The following NAALADL2 variants were observed in gnomAD, a reference collection of about 807,000 sequenced individuals.
The protein encoded by NAALADL2 is N-acetylated alpha-linked acidic dipeptidase like 2, also known as inactive N-acetylated-alpha-linked acidic dipeptidase-like protein 2.
NAALADL2 carries 76 observed loss-of-function variants against 87.2 expected under a neutral mutation model. The observed-to-expected ratio is 0.87, with a 90% CI of 0.72 to 1.05. NAALADL2 has a LOEUF of 1.05. NAALADL2 is among the 50% of genes least tolerant of loss of function. NAALADL2 has a pLI of 0.00. For missense variants in NAALADL2, 1,089 were observed against 945.8 expected, an observed-to-expected ratio of 1.15 and a Z score of -1.99; for synonymous variants, 354 against 331.0, an observed-to-expected ratio of 1.07 and a Z score of -0.75.
intron 2 of NAALADL2, among the ~76,000 whole-genome samples, chr3:175,162,084 G>A (rs914892114): frequency 2.0e-5 from 3 of 152,084 alleles, no homozygotes; most frequent in Admixed American, 2.0e-4. Context: ...TGCTGCTGTT[G>A]AAGGCCTTAT....
intron 1 of NAALADL2, among the ~76,000 whole-genome samples, chr3:174,938,125 T>C (rs1025402048): frequency 3.3e-5 from 5 of 151,960 alleles, no homozygotes; most frequent in Non-Finnish European, 7.4e-5. Context: ...CATCACCCAG[T>C]TTTTAAACTC....
intron 3 of NAALADL2, among the ~76,000 whole-genome samples, chr3:175,252,141 T>C (rs1357169711): frequency 1.3e-5 from 2 of 152,220 alleles, no homozygotes; most frequent in Admixed American, 6.5e-5. Context: ...CATATCTGGA[T>C]TTATTGTGTT....
intron 2 of NAALADL2, among the ~76,000 whole-genome samples, chr3:175,192,348 A>T (rs1738334772): frequency 6.6e-6 from 1 of 152,146 alleles, no homozygotes; most frequent in African/African-American, 2.4e-5. Flanking sequence ...GATTCAGTGC[A>T]GTGATTTTTA....
At chr3:174,663,307 C>A (rs1442587654) in intron 2 of NAALADL2, among the ~76,000 whole-genome samples, 1 of 151,792 alleles carries the variant, frequency 6.6e-6, no homozygotes. Flanking sequence ...AATATGTACC[C>A]AGCTATGAAA....
chr3:175,095,037 G>A (rs1480615169), intron 1 of NAALADL2, among the ~76,000 whole-genome samples: 1 of 151,982 alleles, frequency 6.6e-6, no homozygotes, highest in Admixed American at 6.6e-5. Context: ...TCGTAGGGAA[G>A]TTAAGTTTTT....
chr3:174,724,842 A>G (rs1344332620), intron 2 of NAALADL2, among the ~76,000 whole-genome samples: 2 of 152,124 alleles, frequency 1.3e-5, no homozygotes, highest in Non-Finnish European at 2.9e-5. Context: ...CTATAAATGG[A>G]TTATGTATTA....
chr3:174,807,884 T>A (rs1415256291), intron 3 of NAALADL2, among the ~76,000 whole-genome samples: 1 of 144,222 alleles, frequency 6.9e-6, no homozygotes, highest in East Asian at 2.2e-4. Context: ...TGTGTGTGTG[T>A]GTGTGAGAGA....
At chr3:175,626,436 A>G (rs1211056360) in intron 10 of NAALADL2, among the ~76,000 whole-genome samples, 1 of 151,830 alleles carries the variant, frequency 6.6e-6, no homozygotes, top group Non-Finnish European at 1.5e-5. Context: ...AGATAATCTT[A>G]ATTTCTAGAA....
At chr3:174,915,760 T>C (rs1157440274) in intron 1 of NAALADL2, among the ~76,000 whole-genome samples, 2 of 152,134 alleles carry the variant, frequency 1.3e-5, no homozygotes, top group African/African-American at 4.8e-5. Flanking sequence ...TTAAATACTA[T>C]TCATTATATT....
chr3:175,286,735 A>G (rs1036340578), intron 4 of NAALADL2, among the ~76,000 whole-genome samples: 4 of 151,518 alleles, frequency 2.6e-5, no homozygotes, highest in Admixed American at 2.0e-4. Context: ...TTGTTTGTCT[A>G]TACTTTTAGA....
At chr3:174,860,444 G>A (rs1051096318) in intron 1 of NAALADL2, among the ~76,000 whole-genome samples, 26 of 151,940 alleles carry the variant, frequency 1.7e-4, no homozygotes, top group African/African-American at 6.0e-4. Flanking sequence ...AAACAGTAAG[G>A]TAAAAGGCTC....
chr3:175,776,883 C>A (rs1250340981), intron 13 of NAALADL2, among the ~76,000 whole-genome samples: 2 of 151,792 alleles, frequency 1.3e-5, no homozygotes, highest in African/African-American at 2.4e-5. Flanking sequence ...CAGAAAATAC[C>A]TGCTGGTTCA....
At chr3:175,501,114 C>T (rs1032319315) in intron 9 of NAALADL2, among the ~76,000 whole-genome samples, 2 of 151,960 alleles carry the variant, frequency 1.3e-5, no homozygotes, top group Non-Finnish European at 2.9e-5. Flanking sequence ...GTAGATTAAT[C>T]AGGAATTGAA....
At chr3:174,451,337 T>A (rs1321217230) in intron 1 of NAALADL2, among the ~76,000 whole-genome samples, 1 of 152,246 alleles carries the variant, frequency 6.6e-6, no homozygotes, top group Admixed American at 6.5e-5. Context: ...CTGATTTATA[T>A]CTTTTAAGAA....
chr3:174,896,580 T>A (rs981817136), intron 1 of NAALADL2, among the ~76,000 whole-genome samples: 1 of 152,188 alleles, frequency 6.6e-6, no homozygotes, highest in South Asian at 2.1e-4. Context: ...ATTGTTAAAG[T>A]GTCCATACTA....
intron 2 of NAALADL2, among the ~76,000 whole-genome samples, chr3:175,125,840 G>A (rs552627480): frequency 6.6e-6 from 1 of 152,108 alleles, no homozygotes; most frequent in East Asian, 1.9e-4. Context: ...TGAGACTAGT[G>A]GAGATTACCA....
intron 3 of NAALADL2, among the ~76,000 whole-genome samples, chr3:175,241,279 G>T (rs2109603637): frequency 6.6e-6 from 1 of 152,126 alleles, no homozygotes; most frequent in Non-Finnish European, 1.5e-5. Context: ...GGAGTGCAGT[G>T]GTGCAACCTC....
chr3:175,248,310 G>A (rs1748384082), intron 3 of NAALADL2, among the ~76,000 whole-genome samples: 1 of 152,182 alleles, frequency 6.6e-6, no homozygotes, highest in South Asian at 2.1e-4. Context: ...CTGTTGTCAT[G>A]ATTAGAGATG....
At chr3:174,477,992 G>A (rs532949670) in intron 1 of NAALADL2, among the ~76,000 whole-genome samples, 30 of 152,168 alleles carry the variant, frequency 2.0e-4, no homozygotes, top group Non-Finnish European at 3.7e-4. Context: ...AGTATAATAG[G>A]GAATTGAGTG....
Sources: gnomAD v4.1 joint callset for allele counts (sites outside exome capture counted in the v4.1 genomes callset) on GRCh38, gnomAD v4.1.1 for gene constraint, MANE v1.5 for transcripts, NCBI Gene and HGNC (gene_info 2026-07-23, HGNC 2026-07-21) for gene names.